ADAMTSL1: variants seen among roughly 807,000 people sequenced by gnomAD.
ADAMTSL1 encodes ADAMTS-like protein 1.
ADAMTSL1 carries 126 observed loss-of-function variants against 201.8 expected under a neutral mutation model. The ratio of observed to expected loss-of-function variants is 0.62; its 90% CI spans 0.54 to 0.72. The LOEUF is 0.72. Ranked by LOEUF, ADAMTSL1 falls within the 30% of genes least tolerant of loss-of-function variation. The pLI, the probability that ADAMTSL1 is intolerant of heterozygous loss-of-function variation, is 0.00. For missense variants in ADAMTSL1, 2,679 were observed against 2,277.8 expected (o/e 1.18, Z -3.59); for synonymous variants, 1,121 against 903.4 (o/e 1.24, Z -4.32).
chr9:18,588,491 G>C (rs2132458535), intron 4 of ADAMTSL1, among the ~76,000 whole-genome samples: 1 of 151,986 alleles, frequency 6.6e-6, no homozygotes, highest in African/African-American at 2.4e-5. Context: ...TTTTGCTTTT[G>C]TTTTCTGTGC....
At chr9:18,106,702 GTTA>G (rs906514956) in intron 1 of ADAMTSL1, among the ~76,000 whole-genome samples, 5 of 152,174 alleles carry the variant, frequency 3.3e-5, no homozygotes, top group African/African-American at 1.2e-4. Flanking sequence ...CACTTATTTG[GTTA>G]TTTTCAATCA....
At chr9:17,908,701 A>G (rs7862750) in intron 1 of ADAMTSL1, among the ~76,000 whole-genome samples, 8,673 of 152,066 alleles carry the variant, frequency 0.057, 619 homozygotes, top group African/African-American at 0.17. Flanking sequence ...CAGGTGATCC[A>G]CTCGCCTCGG....
chr9:18,042,462 T>G (rs563541739), intron 1 of ADAMTSL1, among the ~76,000 whole-genome samples: 9 of 152,220 alleles, frequency 5.9e-5, no homozygotes, highest in Non-Finnish European at 1.2e-4. Context: ...TCTAGTTGTT[T>G]TCTAGATGAA....
chr9:18,603,555 G>C (rs992005690), intron 4 of ADAMTSL1, among the ~76,000 whole-genome samples: 3 of 152,146 alleles, frequency 2.0e-5, no homozygotes, highest in Non-Finnish European at 2.9e-5. Context: ...GGTATTTAGG[G>C]CAGAGGCATC....
chr9:18,773,774 G>A (rs902870145), intron 17 of ADAMTSL1, among the ~76,000 whole-genome samples: 17 of 152,248 alleles, frequency 1.1e-4, no homozygotes, highest in East Asian at 5.8e-4. Flanking sequence ...CTGAAACTCT[G>A]TTTTTATGTT....
chr9:18,659,918 TTAAA>T, intron 8 of ADAMTSL1, among the ~76,000 whole-genome samples: 1 of 87,622 alleles, frequency 1.1e-5, no homozygotes. Context: ...TTTGTTTTTT[TTAAA>T]AAAAAAAATG....
At chr9:18,051,682 C>T (rs1821948368) in intron 1 of ADAMTSL1, among the ~76,000 whole-genome samples, 1 of 151,934 alleles carries the variant, frequency 6.6e-6, no homozygotes, top group Non-Finnish European at 1.5e-5. Context: ...ACTCATGGCA[C>T]AAATGAAACA....
intron 1 of ADAMTSL1, among the ~76,000 whole-genome samples, chr9:17,996,892 A>C (rs547560097): frequency 6.6e-6 from 1 of 152,178 alleles, no homozygotes; most frequent in African/African-American, 2.4e-5. Context: ...CTGCAGAAGA[A>C]TGATGAATAC....
chr9:18,057,006 A>G (rs1220568191), intron 1 of ADAMTSL1, among the ~76,000 whole-genome samples: 1 of 152,112 alleles, frequency 6.6e-6, no homozygotes, highest in East Asian at 1.9e-4. Flanking sequence ...CTTTTAATTA[A>G]CCAGGAATTC....
intron 1 of ADAMTSL1, among the ~76,000 whole-genome samples, chr9:18,504,493 G>A (rs569088986): frequency 6.6e-6 from 1 of 152,186 alleles, no homozygotes; most frequent in Non-Finnish European, 1.5e-5. Flanking sequence ...ACTAAGAGAT[G>A]AAGAGTACAC....
At chr9:18,238,457 G>T (rs1459250168) in intron 2 of ADAMTSL1, among the ~76,000 whole-genome samples, 1 of 152,058 alleles carries the variant, frequency 6.6e-6, no homozygotes, top group African/African-American at 2.4e-5. Context: ...GTGAGAGGTT[G>T]GGGGTCATAA....
intron 1 of ADAMTSL1, among the ~76,000 whole-genome samples, chr9:17,948,029 G>A (rs1337480111): frequency 6.6e-6 from 1 of 151,980 alleles, no homozygotes; most frequent in African/African-American, 2.4e-5. Context: ...AGTGGTGGGT[G>A]GTAAATGTCG....
chr9:17,921,341 T>A (rs1040976374), intron 1 of ADAMTSL1, among the ~76,000 whole-genome samples: 5 of 152,292 alleles, frequency 3.3e-5, no homozygotes, highest in Admixed American at 6.5e-5. Context: ...CCTTGTTTTA[T>A]CTCTCTGCCC....
At chr9:17,965,056 T>C (rs532293775) in intron 1 of ADAMTSL1, among the ~76,000 whole-genome samples, 4 of 152,242 alleles carry the variant, frequency 2.6e-5, no homozygotes, top group African/African-American at 9.6e-5. Context: ...CTCAGCTAGA[T>C]TTATTTTCTA....
intron 4 of ADAMTSL1, among the ~76,000 whole-genome samples, chr9:18,580,149 AAAG>A (rs1254747071): frequency 1.3e-5 from 2 of 152,232 alleles, no homozygotes; most frequent in African/African-American, 4.8e-5. Flanking sequence ...TCAAAAAGGG[AAAG>A]AAGAATTCCT....
chr9:18,194,961 T>A (rs1438943195), intron 2 of ADAMTSL1, among the ~76,000 whole-genome samples: 1 of 151,866 alleles, frequency 6.6e-6, no homozygotes, highest in Non-Finnish European at 1.5e-5. Flanking sequence ...AAAATGGCAT[T>A]GCTACCTCTT....
chr9:18,142,979 G>C (rs116553274), intron 1 of ADAMTSL1, among the ~76,000 whole-genome samples: 1,664 of 152,298 alleles, frequency 0.011, 32 homozygotes, highest in African/African-American at 0.038. Context: ...TGAAACACTA[G>C]TCTGGGTTTT....
chr9:18,484,464 C>A (rs1821886635), intron 1 of ADAMTSL1, among the ~76,000 whole-genome samples: 2 of 152,106 alleles, frequency 1.3e-5, no homozygotes, highest in African/African-American at 4.8e-5. Context: ...ACTTTTGCTT[C>A]TTTTTCCTGA....
At chr9:18,156,645 C>G (rs1827167762) in intron 1 of ADAMTSL1, among the ~76,000 whole-genome samples, 1 of 151,646 alleles carries the variant, frequency 6.6e-6, no homozygotes, top group East Asian at 1.9e-4. Context: ...CATACACACA[C>G]ACACACACAC....
Sources: allele counts gnomAD v4.1 joint callset (sites outside exome capture counted in the v4.1 genomes callset), GRCh38; gene constraint gnomAD v4.1.1; transcripts MANE v1.5; gene names NCBI Gene and HGNC (gene_info 2026-07-23, HGNC 2026-07-21).